The following GLIS3 variants were observed in gnomAD, a reference collection of about 807,000 sequenced individuals.
GLIS3 encodes zinc finger protein GLIS3.
GLIS3 carries 53 observed loss-of-function variants against 78.6 expected under a neutral mutation model. The ratio of observed to expected loss-of-function variants is 0.67; its 90% CI spans 0.54 to 0.85. The LOEUF is 0.85. GLIS3 is among the 40% of genes least tolerant of loss of function. The pLI is 0.00. For missense variants in GLIS3, 1,703 were observed against 1,231.1 expected (o/e 1.38, Z -5.74); for synonymous variants, 684 against 509.9 (o/e 1.34, Z -4.60).
At chr9:4,321,208 C>T (rs983401304) in intron 2 of GLIS3, among the ~76,000 whole-genome samples, 4 of 147,708 alleles carry the variant, frequency 2.7e-5, no homozygotes, top group African/African-American at 1.0e-4. Flanking sequence ...ATCACAAGGT[C>T]AGGAGATCGA....
intron 2 of GLIS3, among the ~76,000 whole-genome samples, chr9:4,176,814 G>A (rs932036867): frequency 6.6e-6 from 1 of 152,190 alleles, no homozygotes; most frequent in Admixed American, 6.5e-5. Context: ...AGTAGACATG[G>A]GGTTTCACCA....
At chr9:4,192,734 G>C (rs1377411425) in intron 2 of GLIS3, among the ~76,000 whole-genome samples, 1 of 151,344 alleles carries the variant, frequency 6.6e-6, no homozygotes, top group Non-Finnish European at 1.5e-5. Flanking sequence ...AATAGAACGA[G>C]ACATGGTTGT....
At chr9:4,123,360 G>C (rs1260374247) in intron 3 of GLIS3, among the ~76,000 whole-genome samples, 1 of 152,060 alleles carries the variant, frequency 6.6e-6, no homozygotes, top group Non-Finnish European at 1.5e-5. Context: ...AGTACAGTTT[G>C]AGAATATGTA....
rs1411364030 is a variant in GLIS3, at chr9:3,828,385, A to G, written c.2680T>C (p.Ser894Pro). ...CGGAGAGACTCCCCAAAGAGGCTCG[A>G]GGAACTTGAAGGTAAATCATACACT... ...ITVYDLPSSS[S>P]SLFGESLRSG... Residue 894 changes from serine to proline, a missense_variant, in exon 11 of 11, where the codon TCG becomes CCG. By Grantham distance (74) the Ser-to-Pro change is moderately conservative. Coordinates refer to ENST00000381971, the MANE Select transcript of GLIS3 (RefSeq NM_001042413.2). 6.2e-7 allele frequency: 1 copy of G among 1,613,492 alleles called. No homozygotes were observed. The highest frequency in any genetic ancestry group is 8.5e-7 in the Non-Finnish European group (1 of 1,180,012).
chr9:3,884,682 TA>T (rs1285293030), intron 7 of GLIS3, among the ~76,000 whole-genome samples: 8 of 152,188 alleles, frequency 5.3e-5, no homozygotes, highest in Non-Finnish European at 2.9e-5. Context: ...AAGTTCTTTA[TA>T]AACATTTCCC....
At chr9:3,908,125 G>C (rs1294200152) in intron 6 of GLIS3, among the ~76,000 whole-genome samples, 1 of 152,014 alleles carries the variant, frequency 6.6e-6, no homozygotes, top group South Asian at 2.1e-4. Context: ...GGACTGAAAG[G>C]GGCTTCAGAT....
the GLIS3 span, among the ~76,000 whole-genome samples, chr9:4,372,129 G>A: frequency 6.6e-6 from 1 of 152,198 alleles, no homozygotes; most frequent in Admixed American, 6.5e-5. Flanking sequence ...GGTGGCCGAA[G>A]TGTCCTGAGG....
intron 2 of GLIS3, among the ~76,000 whole-genome samples, chr9:4,243,005 A>G (rs1171355866): frequency 1.3e-5 from 2 of 152,186 alleles, no homozygotes; most frequent in Non-Finnish European, 1.5e-5. Context: ...TTGTATGTAC[A>G]TCAATGAGGT....
intron 2 of GLIS3, among the ~76,000 whole-genome samples, chr9:4,193,152 T>A (rs947639884): frequency 1.4e-4 from 21 of 152,260 alleles, no homozygotes; most frequent in African/African-American, 4.6e-4. Flanking sequence ...CAGGTAGAAC[T>A]TGGTCAGCAA....
At chr9:4,169,263 C>G (rs1816157648) in intron 2 of GLIS3, among the ~76,000 whole-genome samples, 1 of 152,162 alleles carries the variant, frequency 6.6e-6, no homozygotes, top group African/African-American at 2.4e-5. Context: ...TATTCACTGA[C>G]CTTTAAAAAC....
At chr9:4,203,999 G>T (rs1210989624) in intron 2 of GLIS3, among the ~76,000 whole-genome samples, 2 of 152,142 alleles carry the variant, frequency 1.3e-5, no homozygotes, top group Non-Finnish European at 2.9e-5. Flanking sequence ...AAACTGTTGG[G>T]TATATGCTAG....
chr9:3,937,273 A>C (rs1342575729), intron 4 of GLIS3, 84 bp from the exon 5 acceptor site: 1 of 1,406,870 alleles, frequency 7.1e-7, no homozygotes, highest in Non-Finnish European at 1.0e-6. Context: ...AAATGTTCTT[A>C]GTTGGTACTT....
chr9:4,203,978 C>T (rs1050538746), intron 2 of GLIS3, among the ~76,000 whole-genome samples: 2 of 152,096 alleles, frequency 1.3e-5, no homozygotes, highest in African/African-American at 2.4e-5. Context: ...AGAAATGGGG[C>T]AAGGGTTGAA....
chr9:4,147,045 T>C lies in GLIS3; in HGVS notation c.389-21104A>G, dbSNP rs138834599. Among the ~76,000 whole-genome samples the C allele has an allele frequency of 1.5e-3, 221 of 152,330 alleles. 1 individual carries two copies. The highest frequency in any genetic ancestry group is 4.3e-3 in the African/African-American group (178 of 41,578). ...CTCTAATTTTCTAGCCACCCTGACC[T>C]AGCACCTGACATTTAGAAATTTAAG... On this transcript the variant is annotated intron_variant, in intron 2 of 10. Coordinates refer to ENST00000381971, the MANE Select transcript of GLIS3 (RefSeq NM_001042413.2).
At chr9:4,106,491 T>G (rs1289820870) in intron 4 of GLIS3, among the ~76,000 whole-genome samples, 1 of 152,148 alleles carries the variant, frequency 6.6e-6, no homozygotes, top group Non-Finnish European at 1.5e-5. Context: ...TTTGCAAGCT[T>G]AAACACACTA....
chr9:4,211,146 G>A (rs954293185), intron 2 of GLIS3, among the ~76,000 whole-genome samples: 8 of 152,198 alleles, frequency 5.3e-5, no homozygotes, highest in Non-Finnish European at 8.8e-5. Flanking sequence ...TGACCACATG[G>A]TAAGTAACCA....
chr9:4,101,768 A>G (rs189474780), intron 4 of GLIS3, among the ~76,000 whole-genome samples: 1 of 152,166 alleles, frequency 6.6e-6, no homozygotes, highest in East Asian at 1.9e-4. Flanking sequence ...GGCTTTTCTT[A>G]TCAAAGTTGG....
the GLIS3 span, among the ~76,000 whole-genome samples, chr9:4,432,117 T>C: frequency 6.6e-6 from 1 of 152,174 alleles, no homozygotes; most frequent in African/African-American, 2.4e-5. Flanking sequence ...GAGAGCACCA[T>C]GGAAGAGGCA....
chr9:3,940,600 C>T (rs1046853994), intron 4 of GLIS3, among the ~76,000 whole-genome samples: 2 of 151,966 alleles, frequency 1.3e-5, no homozygotes, highest in African/African-American at 2.4e-5. Flanking sequence ...AGAGTTTGCC[C>T]GAGGTTCAAA....
Sources: gnomAD v4.1 joint callset for allele counts (sites outside exome capture counted in the v4.1 genomes callset) on GRCh38, gnomAD v4.1.1 for gene constraint, MANE v1.5 for transcripts, NCBI Gene and HGNC (gene_info 2026-07-23, HGNC 2026-07-21) for gene names.